STK32B: variants seen among roughly 807,000 people sequenced by gnomAD.
STK32B encodes serine/threonine-protein kinase 32B.
Under a neutral mutation model 52.6 loss-of-function variants are expected in STK32B, and 43 were observed. That is an observed-to-expected ratio of 0.82 (90% confidence interval 0.64 to 1.05). STK32B has a LOEUF of 1.05. STK32B is among the 50% of genes least tolerant of loss of function. The pLI is 0.00. For missense variants in STK32B, 621 were observed against 534.6 expected (o/e 1.16, Z -1.59); for synonymous variants, 238 against 204.3 (o/e 1.17, Z -1.41).
chr4:5,221,702 A>C (rs903184777), intron 3 of STK32B, among the ~76,000 whole-genome samples: 4 of 152,020 alleles, frequency 2.6e-5, no homozygotes, highest in African/African-American at 9.7e-5. Flanking sequence ...CTAAAAATAC[A>C]AAAATTAGCC....
chr4:5,337,004 A>G (rs890147271), intron 4 of STK32B, among the ~76,000 whole-genome samples: 3 of 152,118 alleles, frequency 2.0e-5, no homozygotes, highest in Non-Finnish European at 4.4e-5. Context: ...TTCTTGAGAC[A>G]GAGTTTTGCT....
intron 1 of STK32B, among the ~76,000 whole-genome samples, chr4:5,136,392 A>ACTCT (rs1716081994): frequency 9.1e-6 from 1 of 109,344 alleles, no homozygotes; most frequent in Non-Finnish European, 2.0e-5. Flanking sequence ...TGCAGCTCTA[A>ACTCT]GAGTCTGGTG....
intron 3 of STK32B, among the ~76,000 whole-genome samples, chr4:5,329,035 C>G (rs181045994): frequency 2.0e-5 from 3 of 152,238 alleles, no homozygotes; most frequent in East Asian, 3.9e-4. Context: ...TCTGGGCAAA[C>G]AAAAATATTC....
intron 3 of STK32B, among the ~76,000 whole-genome samples, chr4:5,289,795 G>A (rs959155717): frequency 1.4e-5 from 2 of 146,238 alleles, no homozygotes; most frequent in South Asian, 2.2e-4. Flanking sequence ...CGCCTGCCTC[G>A]GCCCCCCAAA....
rs151338728 is a variant in STK32B at position 5,358,701 on chromosome 4, G to GCGCGCGCGCACACA, written c.434+27309_434+27310insGCGCGCGCACACAC. On this transcript the variant is annotated intron_variant, in intron 4 of 11. Transcript: ENST00000282908. Reference sequence around the variant, plus strand: ...CATGCCAGGACACATTCACACACATGCACACACACACACACACACACAGGC... The same window carrying GCGCGCGCGCACACA: ...CATGCCAGGACACATTCACACACATGCGCGCGCGCACACACACACACACACACACACACACAGGC... Among the ~76,000 whole-genome samples, 56 of 106,810 alleles carry GCGCGCGCGCACACA rather than the reference G, an allele frequency of 5.2e-4. 1 individual carries two copies. The highest frequency in any genetic ancestry group is 3.4e-3 in the Admixed American group (42 of 12,220). The allele number at this position is 106,810 out of a possible 152,430, so 70.1% of individuals were successfully genotyped here.
chr4:5,457,144 C>T (rs1482661503), intron 8 of STK32B, among the ~76,000 whole-genome samples: 1 of 152,042 alleles, frequency 6.6e-6, no homozygotes, highest in African/African-American at 2.4e-5. Flanking sequence ...ACCGCAAGCC[C>T]CTAGGCTCTT....
intron 1 of STK32B, among the ~76,000 whole-genome samples, chr4:5,053,749 G>A (rs914544162): frequency 2.0e-5 from 3 of 152,094 alleles, no homozygotes; most frequent in Non-Finnish European, 4.4e-5. Context: ...TTGGGAGGCC[G>A]AGGTGGACGG....
chr4:5,331,846 GCT>G (rs1732272101), intron 4 of STK32B, among the ~76,000 whole-genome samples: 1 of 152,184 alleles, frequency 6.6e-6, no homozygotes, highest in Non-Finnish European at 1.5e-5. Flanking sequence ...TTGCATAAAA[GCT>G]CTGAGTTTCT....
the STK32B span, among the ~76,000 whole-genome samples, chr4:5,044,154 G>C: frequency 1.3e-5 from 2 of 152,070 alleles, no homozygotes; most frequent in African/African-American, 4.8e-5. Flanking sequence ...GCCTCTGCGA[G>C]GGCTCTTCCT....
intron 4 of STK32B, among the ~76,000 whole-genome samples, chr4:5,381,623 T>C (rs148384389): frequency 1.3e-5 from 2 of 152,370 alleles, no homozygotes; most frequent in Admixed American, 1.3e-4. Context: ...ACTTCTTGCC[T>C]TCGCTACCCA....
intron 3 of STK32B, among the ~76,000 whole-genome samples, chr4:5,270,527 C>G (rs975839877): frequency 6.6e-6 from 1 of 152,084 alleles, no homozygotes; most frequent in African/African-American, 2.4e-5. Flanking sequence ...CAGTATTTTG[C>G]ATTCTTCAAT....
At chr4:5,144,853 T>G (rs1171984329) in intron 2 of STK32B, among the ~76,000 whole-genome samples, 1 of 152,036 alleles carries the variant, frequency 6.6e-6, no homozygotes, top group South Asian at 2.1e-4. Context: ...AGGACCAATT[T>G]GCTCTGGGCC....
chr4:5,448,591 G>T (rs1378032945), intron 7 of STK32B, among the ~76,000 whole-genome samples: 2 of 152,204 alleles, frequency 1.3e-5, no homozygotes, highest in African/African-American at 4.8e-5. Context: ...CTCAAGGATG[G>T]AGTGGTCCTT....
rs933179266 is a variant in STK32B at position 5,470,684 on chromosome 4, C to T, written c.1106+2614C>T. 1.3e-5 allele frequency among the ~76,000 whole-genome samples: 2 copies of T among 152,186 alleles called. No individual in the cohort carries two copies. The highest frequency in any genetic ancestry group is 2.9e-5 in the Non-Finnish European group (2 of 68,042). The stretch of plus-strand genomic sequence containing the variant: ...TCCATCTACCCACAGTCCTCCCTTG[C>T]TGCAGTTTCTCAGCAGTAAAAAAAA... On this transcript the variant is annotated intron_variant, in intron 11 of 11. Transcript: ENST00000282908. This position sits in a 1 kb window ranked among gnomAD's most constrained non-coding sequence, Gnocchi z 4.6.
intron 3 of STK32B, among the ~76,000 whole-genome samples, chr4:5,310,874 C>A (rs1730250589): frequency 6.6e-6 from 1 of 152,136 alleles, no homozygotes; most frequent in African/African-American, 2.4e-5. Flanking sequence ...AAATGAAATT[C>A]TGTCGTTCAT....
chr4:5,475,424 C>CAA (rs34219344), intron 11 of STK32B, among the ~76,000 whole-genome samples: 617 of 56,836 alleles, frequency 0.011, 20 homozygotes, highest in African/African-American at 0.041. Context: ...GACTCCATCT[C>CAA]AAAAAAAAAA....
At chr4:5,108,778 G>A (rs1363111433) in intron 1 of STK32B, among the ~76,000 whole-genome samples, 6 of 152,148 alleles carry the variant, frequency 3.9e-5, no homozygotes, top group Admixed American at 3.9e-4. Context: ...TGCCGATGCT[G>A]TGAGTCTGTT....
At chr4:5,111,200 A>G (rs952392840) in intron 1 of STK32B, among the ~76,000 whole-genome samples, 1 of 152,180 alleles carries the variant, frequency 6.6e-6, no homozygotes, top group African/African-American at 2.4e-5. Context: ...GGGAAACAGT[A>G]TAAAGATTTC....
chr4:5,429,772 C>T (rs1713413301), intron 6 of STK32B, among the ~76,000 whole-genome samples: 1 of 151,876 alleles, frequency 6.6e-6, no homozygotes, highest in East Asian at 1.9e-4. Context: ...TGAATTCTTT[C>T]TTTTTTTGGT....
Sources: allele counts gnomAD v4.1 joint callset (sites outside exome capture counted in the v4.1 genomes callset), GRCh38; gene constraint gnomAD v4.1.1; non-coding constraint Gnocchi (gnomAD v3.1); transcripts MANE v1.5; gene names NCBI Gene and HGNC (gene_info 2026-07-23, HGNC 2026-07-21).